Variants in CDC42BPA observed in about 807,000 individuals in gnomAD.
CDC42BPA encodes serine/threonine-protein kinase MRCK alpha.
CDC42BPA carries 80 observed loss-of-function variants against 223.5 expected under a neutral mutation model. The ratio of observed to expected loss-of-function variants is 0.36; its 90% confidence interval spans 0.30 to 0.43. CDC42BPA has a LOEUF of 0.43. CDC42BPA is among the 20% of genes least tolerant of loss of function. The pLI is 1.00. For missense variants in CDC42BPA, 1,743 were observed against 2,099.9 expected (o/e 0.83, Z 3.32); for synonymous variants, 694 against 718.6 (o/e 0.97, Z 0.55).
chr1:227,188,900 C>A (rs1669262279), intron 5 of CDC42BPA, among the ~76,000 whole-genome samples: 1 of 152,032 alleles, frequency 6.6e-6, no homozygotes, highest in Non-Finnish European at 1.5e-5. Flanking sequence ...ATGTGCCACA[C>A]TCTGGTAAGG....
chr1:227,124,299 G>C (rs1689157648), intron 11 of CDC42BPA, among the ~76,000 whole-genome samples: 1 of 152,064 alleles, frequency 6.6e-6, no homozygotes. Context: ...AAACACAAGA[G>C]AAACAGTCAT....
intron 15 of CDC42BPA, among the ~76,000 whole-genome samples, chr1:227,092,912 G>A (rs1242440553): frequency 1.3e-5 from 2 of 152,122 alleles, no homozygotes; most frequent in Non-Finnish European, 2.9e-5. Flanking sequence ...ATACTCCAGT[G>A]TGTATCTTTC....
intron 2 of CDC42BPA, among the ~76,000 whole-genome samples, chr1:227,227,931 G>C (rs1046732821): frequency 6.6e-6 from 1 of 152,154 alleles, no homozygotes; most frequent in African/African-American, 2.4e-5. Flanking sequence ...TCAGTATAAT[G>C]TTCTATGTCA....
chr1:227,008,409 A>C (rs1387631214), intron 34 of CDC42BPA, among the ~76,000 whole-genome samples: 2 of 152,234 alleles, frequency 1.3e-5, no homozygotes, highest in Non-Finnish European at 2.9e-5. Context: ...GAATACAATG[A>C]AATCAGCACA....
intron 3 of CDC42BPA, among the ~76,000 whole-genome samples, chr1:227,209,195 T>C (rs1350996951): frequency 6.9e-6 from 1 of 145,204 alleles, no homozygotes; most frequent in Non-Finnish European, 1.5e-5. Context: ...GTGATTTTTG[T>C]ACATTGATTT....
chr1:227,076,488 CTCA>C (rs1439142387), intron 17 of CDC42BPA, among the ~76,000 whole-genome samples: 1 of 152,094 alleles, frequency 6.6e-6, no homozygotes, highest in Non-Finnish European at 1.5e-5. Flanking sequence ...AACTCCTGAC[CTCA>C]GGTGATCCAC....
At chr1:227,035,000 T>G (rs1036586657) in intron 25 of CDC42BPA, among the ~76,000 whole-genome samples, 12 of 152,208 alleles carry the variant, frequency 7.9e-5, no homozygotes, top group Non-Finnish European at 1.6e-4. Context: ...ACAGAATGAC[T>G]TTTTATTCTG....
chr1:227,170,812 C>T (rs569312164), intron 5 of CDC42BPA, among the ~76,000 whole-genome samples: 12 of 152,324 alleles, frequency 7.9e-5, no homozygotes, highest in African/African-American at 2.9e-4. Flanking sequence ...TCCACCCAAA[C>T]CTGCTTTCTC....
Position 227,299,733 on chromosome 1 carries a change from T to C in CDC42BPA, c.178+17272A>G, listed in dbSNP as rs142553770. On this transcript the variant is annotated intron_variant, in intron 1 of 36. Transcript: ENST00000366766. ...TTTAGGTATGCAATCATGAACAAAA[T>C]AAATGACCCACAGTCTGGAAAATAA... Among the ~76,000 whole-genome samples, 401 of 152,154 alleles carry C rather than the reference T, an allele frequency of 2.6e-3. 3 individuals are homozygous for C. The highest frequency in any genetic ancestry group is 9.4e-3 in the African/African-American group (389 of 41,536).
chr1:227,306,091 T>C (rs543891858), intron 1 of CDC42BPA, among the ~76,000 whole-genome samples: 1 of 150,894 alleles, frequency 6.6e-6, no homozygotes, highest in East Asian at 1.9e-4. Flanking sequence ...GTCACTGAAG[T>C]ATATTAAGCA....
At chr1:227,052,794 T>C (rs1245559385) in intron 21 of CDC42BPA, among the ~76,000 whole-genome samples, 2 of 152,218 alleles carry the variant, frequency 1.3e-5, no homozygotes, top group African/African-American at 4.8e-5. Flanking sequence ...CATGAACTTA[T>C]AATTATTTTC....
chr1:227,219,988 AC>A (rs1166255482), intron 2 of CDC42BPA, among the ~76,000 whole-genome samples: 1 of 152,078 alleles, frequency 6.6e-6, no homozygotes, highest in African/African-American at 2.4e-5. Flanking sequence ...TTAAAAAGAC[AC>A]CTCACACTAA....
chr1:227,069,927 G>T, intron 20 of CDC42BPA, 74 bp from the exon 21 acceptor site: 1 of 968,138 alleles, frequency 1.0e-6, no homozygotes, highest in South Asian at 1.4e-5. Flanking sequence ...TTCCCTGTCT[G>T]AATCTACTAA....
At chr1:227,285,666 A>G (rs1441804140) in intron 1 of CDC42BPA, among the ~76,000 whole-genome samples, 1 of 152,186 alleles carries the variant, frequency 6.6e-6, no homozygotes, top group Non-Finnish European at 1.5e-5. Flanking sequence ...CACTAGAAAG[A>G]GGATCATTTA....
chr1:227,067,138 T>G (rs952927809), intron 21 of CDC42BPA, among the ~76,000 whole-genome samples: 1 of 152,076 alleles, frequency 6.6e-6, no homozygotes, highest in Admixed American at 6.6e-5. Context: ...GTTGCATTAA[T>G]AGAGGGTAGA....
intron 33 of CDC42BPA, 42 bp from the exon 34 acceptor site, chr1:227,016,239 A>C: frequency 2.0e-6 from 2 of 1,020,192 alleles, no homozygotes; most frequent in Non-Finnish European, 3.1e-6. Flanking sequence ...TTCCACAGTT[A>C]ATTTATGTAG....
chr1:227,030,506 GA>G, intron 28 of CDC42BPA, 36 bp from the exon 29 acceptor site: 4 of 1,330,520 alleles, frequency 3.0e-6, no homozygotes, highest in Middle Eastern at 1.9e-4. Context: ...TTTTTATTAG[GA>G]AAAAAACCAT....
intron 14 of CDC42BPA, among the ~76,000 whole-genome samples, chr1:227,104,177 G>A (rs1685510544): frequency 6.6e-6 from 1 of 152,040 alleles, no homozygotes; most frequent in African/African-American, 2.4e-5. Context: ...AAGAAATAAA[G>A]AGGTACAACT....
At chr1:227,106,403 T>C (rs1177151916) in intron 14 of CDC42BPA, among the ~76,000 whole-genome samples, 1 of 152,180 alleles carries the variant, frequency 6.6e-6, no homozygotes, top group Non-Finnish European at 1.5e-5. Context: ...TTTACTTTCT[T>C]AATAATGTCC....
Sources: allele counts gnomAD v4.1 joint callset (sites outside exome capture counted in the v4.1 genomes callset), GRCh38; gene constraint gnomAD v4.1.1; transcripts MANE v1.5; gene names NCBI Gene and HGNC (gene_info 2026-07-23, HGNC 2026-07-21).